The following JAKMIP1 variants were observed in gnomAD, a reference collection of about 807,000 sequenced individuals.
The protein encoded by JAKMIP1 is janus kinase and microtubule interacting protein 1, also known as janus kinase and microtubule-interacting protein 1.
In JAKMIP1, 33 loss-of-function variants were observed where a neutral mutation model predicts 113.0. That is an observed-to-expected ratio of 0.29 (90% confidence interval 0.22 to 0.39). The LOEUF is 0.39. JAKMIP1 is among the 10% of genes least tolerant of loss of function. The pLI, the probability that JAKMIP1 is intolerant of heterozygous loss-of-function variation, is 1.00. For synonymous variants in JAKMIP1, 480 were observed against 459.9 expected (o/e 1.04, Z -0.56); for missense variants, 813 against 1,080.5 (o/e 0.75, Z 3.47).
At chr4:6,030,423 A>G (rs1712470208) in intron 19 of JAKMIP1, among the ~76,000 whole-genome samples, 1 of 151,936 alleles carries the variant, frequency 6.6e-6, no homozygotes, top group South Asian at 2.1e-4. Flanking sequence ...GCAAACCCAG[A>G]CTCTTAGTTA....
rs1240925893 is a variant in JAKMIP1, at chr4:6,158,110, T to C, written c.-148+42143A>G. On this transcript the variant is annotated intron_variant, in intron 1 of 20. Coordinates refer to ENST00000409021, the MANE Select transcript of JAKMIP1 (RefSeq NM_001099433.2). This position sits in a 1 kb window ranked among gnomAD's most constrained non-coding sequence, Gnocchi z 5.3. ...GAGACGCTGGTCAAGTTACTCCTGC[T>C]CTCTCTACCTCCTCTCCTGACCTGG... 1.3e-5 allele frequency among the ~76,000 whole-genome samples: 2 copies of C among 152,166 alleles called. No homozygotes were observed. The highest frequency in any genetic ancestry group is 2.9e-5 in the Non-Finnish European group (2 of 68,026).
Position 6,088,146 on chromosome 4 carries a change from T to C in JAKMIP1, c.625-2517A>G, listed in dbSNP as rs112971769. ...CGCTATCAGTGGGTGCTGAGAAACA[T>C]TAGAGAGCAAAAGAGACCAGCCGCC... On this transcript the variant is annotated intron_variant, in intron 3 of 20. Coordinates refer to ENST00000409021, the MANE Select transcript of JAKMIP1 (RefSeq NM_001099433.2). The surrounding 1 kb of genome is among the most constrained non-coding windows in gnomAD (Gnocchi z 5.5). Among the ~76,000 whole-genome samples the C allele has an allele frequency of 3.1e-4, 47 of 152,262 alleles. No homozygotes were observed. Among genetic ancestry groups the C allele is most frequent in the African/African-American group, 1.1e-3 (45 of 41,564 alleles).
rs1560162594 is a variant in JAKMIP1 at position 6,085,645 on chromosome 4, A to G, written c.625-16T>C. 6.2e-7 allele frequency: 1 copy of G among 1,612,016 alleles called. No individual in the cohort carries two copies. The highest frequency in any genetic ancestry group is 1.7e-5 in the Admixed American group (1 of 60,016). ...TCTCATCCATCTGAAAAGGAGAAAGAATAAGCAGTCAGCCCTAGGGGCTCA... is the reference window on the plus strand; with the variant it reads ...TCTCATCCATCTGAAAAGGAGAAAGGATAAGCAGTCAGCCCTAGGGGCTCA... On this transcript the variant is annotated splice_polypyrimidine_tract_variant and intron_variant, in intron 3 of 20. Transcript: ENST00000409021.
At chr4:6,163,148 A>G (rs1723167798) in intron 1 of JAKMIP1, among the ~76,000 whole-genome samples, 2 of 152,220 alleles carry the variant, frequency 1.3e-5, no homozygotes, top group African/African-American at 2.4e-5. Flanking sequence ...GGCTGCTGTG[A>G]TAAGTCACAG....
Position 6,094,664 on chromosome 4 carries a change from C to G in JAKMIP1, c.625-9035G>C, listed in dbSNP as rs1469747604. Among the ~76,000 whole-genome samples the G allele has an allele frequency of 6.6e-6, 1 of 152,220 alleles. No individual in the cohort carries two copies. The highest frequency in any genetic ancestry group is 6.5e-5 in the Admixed American group (1 of 15,282). On this transcript the variant is annotated intron_variant, in intron 3 of 20. Transcript: ENST00000409021. The surrounding 1 kb of genome is among the most constrained non-coding windows in gnomAD (Gnocchi z 4.2). ...CACTCTTTCAAAAATAAAGTTTTAACTCTTATTAGGAAAGGAATGCAGATC... is the reference window on the plus strand; with the variant it reads ...CACTCTTTCAAAAATAAAGTTTTAAGTCTTATTAGGAAAGGAATGCAGATC...
rs144638204 is a variant in JAKMIP1 at position 6,059,816 on chromosome 4, G to C, written c.1644+608C>G. Among the ~76,000 whole-genome samples, 610 of 152,134 alleles carry C rather than the reference G, an allele frequency of 4.0e-3. 3 individuals carry two copies. Among genetic ancestry groups the C allele is most frequent in the Non-Finnish European group, 6.3e-3 (431 of 67,998 alleles). On this transcript the variant is annotated intron_variant, in intron 11 of 20. Coordinates refer to ENST00000409021, the MANE Select transcript of JAKMIP1 (RefSeq NM_001099433.2). This position sits in a 1 kb window ranked among gnomAD's most constrained non-coding sequence, Gnocchi z 4.8. ...AGGAGGCCGACCCATACGAACCTTC[G>C]CATGCCACCCCGAGAGGCCAGATTT...
chr4:6,030,354 C>G (rs2108742381), intron 19 of JAKMIP1, among the ~76,000 whole-genome samples: 1 of 152,280 alleles, frequency 6.6e-6, no homozygotes, highest in South Asian at 2.1e-4. Context: ...GGGTGACCGA[C>G]AGACCCGGTT....
Position 6,089,269 on chromosome 4 carries a change from G to A in JAKMIP1, c.625-3640C>T, listed in dbSNP as rs1721708827. Among the ~76,000 whole-genome samples, 1 of 152,236 alleles carries A rather than the reference G, an allele frequency of 6.6e-6. No homozygotes were observed. The highest frequency in any genetic ancestry group is 2.1e-4 in the South Asian group (1 of 4,824). ...ACCTACAGCAAATCCCATGACTTCA[G>A]TTGGGGGAGCCAACAGACACCCATG... is the stretch of plus-strand genomic sequence containing the variant. On this transcript the variant is annotated intron_variant, in intron 3 of 20. Transcript: ENST00000409021. The surrounding 1 kb of genome is among the most constrained non-coding windows in gnomAD (Gnocchi z 5.3).
chr4:6,163,208 C>T (rs532084049), intron 1 of JAKMIP1, among the ~76,000 whole-genome samples: 23 of 152,214 alleles, frequency 1.5e-4, no homozygotes, highest in Admixed American at 2.6e-4. Context: ...GCAGATATTA[C>T]GTTTTTGACA....
In JAKMIP1 at chr4:6,129,282, C is replaced by T. The variant is rs1237640484; in HGVS notation, c.-147-16285G>A. 6.6e-6 allele frequency among the ~76,000 whole-genome samples: 1 copy of T among 152,228 alleles called. No homozygotes were observed. Among genetic ancestry groups the T allele is most frequent in the Non-Finnish European group, 1.5e-5 (1 of 68,044 alleles). On this transcript the variant is annotated intron_variant, in intron 1 of 20. Transcript: ENST00000409021. This position sits in a 1 kb window ranked among gnomAD's most constrained non-coding sequence, Gnocchi z 5.4. ...AAGTACAACTGGACAAGAGCTGGCACATGTGTGGTCAGATGCTGGGCGTGG... is the reference window on the plus strand; with the variant it reads ...AAGTACAACTGGACAAGAGCTGGCATATGTGTGGTCAGATGCTGGGCGTGG...
intron 1 of JAKMIP1, among the ~76,000 whole-genome samples, chr4:6,148,521 C>T (rs1447204351): frequency 6.6e-6 from 1 of 152,258 alleles, no homozygotes; most frequent in Admixed American, 6.5e-5. Flanking sequence ...GACTCTGCGC[C>T]GGGCGCATCC....
chr4:6,038,667 A>C (rs1713887788), intron 18 of JAKMIP1, among the ~76,000 whole-genome samples: 1 of 152,172 alleles, frequency 6.6e-6, no homozygotes, highest in Non-Finnish European at 1.5e-5. Context: ...AAACATGATC[A>C]CCTTCAGCTC....
rs1469369926 is a variant in JAKMIP1 at position 6,153,593 on chromosome 4, T to C, written c.-147-40596A>G. On this transcript the variant is annotated intron_variant, in intron 1 of 20. Transcript: ENST00000409021. This position sits in a 1 kb window ranked among gnomAD's most constrained non-coding sequence, Gnocchi z 4.9. ...TAAGAGGGTGCACCTCAGACAGCCC[T>C]GACAATCTGGAGAGAGAACGTTTTG... Among the ~76,000 whole-genome samples, 2 of 152,230 alleles carry C rather than the reference T, an allele frequency of 1.3e-5. No homozygotes were observed. The highest frequency in any genetic ancestry group is 4.8e-5 in the African/African-American group (2 of 41,468).
rs1380574626 is a variant in JAKMIP1 at position 6,089,520 on chromosome 4, G to A, written c.625-3891C>T. Among the ~76,000 whole-genome samples, 1 of 152,164 alleles carries A rather than the reference G, an allele frequency of 6.6e-6. No individual in the cohort carries two copies. The highest frequency in any genetic ancestry group is 1.5e-5 in the Non-Finnish European group (1 of 68,032). ...ACACACAAACTTGAGGCCCAGAAAG[G>A]GGAATGTGCTAACACTCTAGTTAGC... On this transcript the variant is annotated intron_variant, in intron 3 of 20. Transcript: ENST00000409021. This position sits in a 1 kb window ranked among gnomAD's most constrained non-coding sequence, Gnocchi z 5.3.
At chr4:6,084,174 G>A (rs1193720605) in intron 5 of JAKMIP1, among the ~76,000 whole-genome samples, 13 of 151,860 alleles carry the variant, frequency 8.6e-5, no homozygotes, top group Admixed American at 1.3e-4. Context: ...AAAATTAGCC[G>A]GGCATGGTGG....
chr4:6,080,037 A>G lies in JAKMIP1; in HGVS notation c.1242+135T>C, dbSNP rs908484992. 6.3e-6 allele frequency: 6 copies of G among 951,824 alleles called. No homozygotes were observed. The highest frequency in any genetic ancestry group is 9.1e-6 in the Non-Finnish European group (6 of 660,482). The allele number at this position is 951,824 out of a possible 1,614,324, so 59.0% of individuals were successfully genotyped here. A position where few individuals can be genotyped will look rare whatever the true frequency, so the allele number is the denominator to read the frequency against. Reference sequence around the variant, plus strand: ...TGTGCACACCAGGGTGAGCTTGGTGAGTCCCAAAGTCAGCACTGCCTGACC... The same window carrying G: ...TGTGCACACCAGGGTGAGCTTGGTGGGTCCCAAAGTCAGCACTGCCTGACC... On this transcript the variant is annotated intron_variant, in intron 7 of 20. Coordinates refer to ENST00000409021, the MANE Select transcript of JAKMIP1 (RefSeq NM_001099433.2). The surrounding 1 kb of genome is among the most constrained non-coding windows in gnomAD (Gnocchi z 6.0).
Position 6,080,132 on chromosome 4 carries a change from C to T in JAKMIP1, c.1242+40G>A, listed in dbSNP as rs759932019. 6.5e-6 allele frequency: 10 copies of T among 1,544,010 alleles called. No homozygotes were observed. The highest frequency in any genetic ancestry group is 1.7e-4 in the Middle Eastern group (1 of 5,926). ...CTGACACCCATGTCAGCTGGTGCCA[C>T]CCCTGCCAGGGGCAGCCGCGCCAGC... On this transcript the variant is annotated intron_variant, in intron 7 of 20. Coordinates refer to ENST00000409021, the MANE Select transcript of JAKMIP1 (RefSeq NM_001099433.2). This position sits in a 1 kb window ranked among gnomAD's most constrained non-coding sequence, Gnocchi z 6.0.
At chr4:6,101,713 C>A (rs1461811777) in intron 3 of JAKMIP1, among the ~76,000 whole-genome samples, 3 of 125,054 alleles carry the variant, frequency 2.4e-5, no homozygotes, top group Non-Finnish European at 4.9e-5. Context: ...ATGGCAAAAC[C>A]CCATCTCTAC....
At chr4:6,056,584 C>T in intron 12 of JAKMIP1, 113 bp downstream of exon 12, 2 of 771,796 alleles carry the variant, frequency 2.6e-6, no homozygotes, top group Admixed American at 3.7e-5. Context: ...GACCCGAGGC[C>T]CTGGTCACTG....
Sources: allele counts gnomAD v4.1 joint callset (sites outside exome capture counted in the v4.1 genomes callset), GRCh38; gene constraint gnomAD v4.1.1; non-coding constraint Gnocchi (gnomAD v3.1); transcripts MANE v1.5; gene names NCBI Gene and HGNC (gene_info 2026-07-23, HGNC 2026-07-21).